Variants in LPIN2 observed in about 807,000 individuals in gnomAD.
LPIN2 encodes lipin 2, also known as phosphatidate phosphatase LPIN2.
LPIN2 carries 55 observed loss-of-function variants against 111.4 expected under a neutral mutation model. The ratio of observed to expected loss-of-function variants is 0.49; its 90% CI spans 0.40 to 0.62. The LOEUF (loss-of-function observed/expected upper bound fraction) is 0.62. Ranked by LOEUF, LPIN2 falls within the 20% of genes least tolerant of loss-of-function variation. The pLI is 0.00. For missense variants in LPIN2, 992 were observed against 1,112.1 expected (o/e 0.89, Z 1.54); for synonymous variants, 425 against 414.0 (o/e 1.03, Z -0.32).
rs905955934 is a variant in LPIN2 at position 2,917,115 on chromosome 18, GA to G, written c.*3177del. 5.3e-5 allele frequency: 8 copies of G among 152,298 alleles called. No individual in the cohort carries two copies. Among genetic ancestry groups the G allele is most frequent in the African/African-American group, 1.7e-4 (7 of 41,558 alleles). 9.4% of individuals were successfully genotyped at this position (152,298 alleles called of 1,614,324 possible). A position where few individuals can be genotyped will look rare whatever the true frequency, so the allele number is the denominator to read the frequency against. On this transcript the variant is annotated 3_prime_UTR_variant, in exon 20 of 20. Transcript: ENST00000677752. ...TTACTGTAACTAAGAGTACTGTACT[GA>G]TGATGTTTACAATTAACTTTGGACA...
chr18:2,991,862 T>C (rs2078270230), intron 1 of LPIN2, among the ~76,000 whole-genome samples: 1 of 151,862 alleles, frequency 6.6e-6, no homozygotes, highest in African/African-American at 2.4e-5. Flanking sequence ...ATACAAAAAT[T>C]AGCTGGGCGT....
intron 1 of LPIN2, among the ~76,000 whole-genome samples, chr18:2,964,790 A>C (rs1207590231): frequency 6.6e-6 from 1 of 152,186 alleles, no homozygotes; most frequent in Non-Finnish European, 1.5e-5. Context: ...ATGTCAGAGA[A>C]CTATTATGTC....
intron 1 of LPIN2, among the ~76,000 whole-genome samples, chr18:3,003,716 G>T (rs1439698385): frequency 6.6e-6 from 1 of 152,140 alleles, no homozygotes; most frequent in African/African-American, 2.4e-5. Flanking sequence ...GACCACTACT[G>T]TACAAACTGA....
chr18:2,922,718 C>T (rs16944051), intron 16 of LPIN2, among the ~76,000 whole-genome samples: 24,510 of 152,152 alleles, frequency 0.16, 2,664 homozygotes, highest in East Asian at 0.57. Context: ...GAGGTACAGG[C>T]AACTAAGGAT....
At chr18:3,012,270 T>C (rs1460192386) in intron 1 of LPIN2, among the ~76,000 whole-genome samples, 1 of 152,210 alleles carries the variant, frequency 6.6e-6, no homozygotes, top group Non-Finnish European at 1.5e-5. Flanking sequence ...TTTCCAAGTA[T>C]TCAGAGTTCC....
chr18:2,937,389 C>CA (rs1448440062), intron 7 of LPIN2, among the ~76,000 whole-genome samples: 3 of 151,634 alleles, frequency 2.0e-5, no homozygotes, highest in African/African-American at 4.8e-5. Flanking sequence ...ATTAAAAATA[C>CA]AAAAAATCAG....
At chr18:2,990,227 A>G (rs1244992427) in intron 1 of LPIN2, among the ~76,000 whole-genome samples, 2 of 152,242 alleles carry the variant, frequency 1.3e-5, no homozygotes, top group Non-Finnish European at 2.9e-5. Context: ...AACATAGGGT[A>G]AATCTTCATG....
At chr18:3,000,925 C>T (rs1448816130) in intron 1 of LPIN2, among the ~76,000 whole-genome samples, 6 of 32,740 alleles carry the variant, frequency 1.8e-4, no homozygotes, top group Admixed American at 1.6e-3. Flanking sequence ...AAGAAAGGTG[C>T]TAAAAAAAAT....
chr18:2,988,849 G>C (rs1467575666), intron 1 of LPIN2, among the ~76,000 whole-genome samples: 1 of 152,136 alleles, frequency 6.6e-6, no homozygotes, highest in Non-Finnish European at 1.5e-5. Context: ...TTTTCTTCCA[G>C]ACTCAACATA....
chr18:2,954,444 G>T, intron 3 of LPIN2, 60 bp downstream of exon 3: 1 of 1,201,912 alleles, frequency 8.3e-7, no homozygotes, highest in African/African-American at 1.5e-5. Context: ...GGTCCGTCTG[G>T]GCCACGTACC....
At chr18:2,951,960 T>C (rs1159803907) in intron 3 of LPIN2, among the ~76,000 whole-genome samples, 1 of 152,204 alleles carries the variant, frequency 6.6e-6, no homozygotes, top group Non-Finnish European at 1.5e-5. Flanking sequence ...ATAAGAAATA[T>C]TCCTTCCTGT....
At chr18:2,983,044 T>C (rs538193611) in intron 1 of LPIN2, among the ~76,000 whole-genome samples, 3 of 152,326 alleles carry the variant, frequency 2.0e-5, no homozygotes, top group Admixed American at 2.0e-4. Flanking sequence ...CACCAAGACC[T>C]GCCCAATCAC....
At position 2,920,895 on chromosome 18, in the gene LPIN2, T is replaced by G; in HGVS notation, c.2443-14A>C. The G allele has an allele frequency of 6.4e-7, 1 of 1,570,476 alleles. No homozygotes were observed. The highest frequency in any genetic ancestry group is 8.8e-7 in the Non-Finnish European group (1 of 1,140,300). Reference sequence around the variant, plus strand: ...GGCATAGACATCCTGCAGAAGAAAATAGCAAGCGGGTGATTCCAGGGAGGA... The same window carrying G: ...GGCATAGACATCCTGCAGAAGAAAAGAGCAAGCGGGTGATTCCAGGGAGGA... On this transcript the variant is annotated splice_polypyrimidine_tract_variant and intron_variant, in intron 18 of 19. Transcript: ENST00000677752.
chr18:2,930,954 A>G (rs2077203853), intron 9 of LPIN2, among the ~76,000 whole-genome samples: 1 of 152,114 alleles, frequency 6.6e-6, no homozygotes, highest in Non-Finnish European at 1.5e-5. Flanking sequence ...AGATGAGAAA[A>G]CTGGTGCAGT....
chr18:2,933,389 A>G (rs2144172772), intron 8 of LPIN2, among the ~76,000 whole-genome samples: 1 of 152,316 alleles, frequency 6.6e-6, no homozygotes, highest in East Asian at 1.9e-4. Flanking sequence ...AAAAGTGGTA[A>G]TTCTATGACA....
intron 6 of LPIN2, 146 bp downstream of exon 6, chr18:2,939,334 T>G (rs1453447158): frequency 1.1e-6 from 1 of 950,832 alleles, no homozygotes; most frequent in Non-Finnish European, 1.6e-6. Flanking sequence ...AAATGTTAAC[T>G]TTGAATTTAC....
At chr18:2,957,341 A>G (rs779966119) in intron 2 of LPIN2, among the ~76,000 whole-genome samples, 10 of 152,212 alleles carry the variant, frequency 6.6e-5, no homozygotes, top group Admixed American at 2.6e-4. Context: ...TTTACATGAC[A>G]CTCAAAGATA....
intron 1 of LPIN2, among the ~76,000 whole-genome samples, chr18:3,007,989 T>C (rs2078542181): frequency 6.6e-6 from 1 of 152,222 alleles, no homozygotes; most frequent in Non-Finnish European, 1.5e-5. Context: ...ATGCACTGAA[T>C]AGATGAGGAC....
chr18:2,920,645 C>G, intron 19 of LPIN2, 133 bp downstream of exon 19: 1 of 804,740 alleles, frequency 1.2e-6, no homozygotes, highest in Non-Finnish European at 2.1e-6. Flanking sequence ...GAGAGATACC[C>G]ACAGAGGAGA....
Sources: gnomAD v4.1 joint callset for allele counts (sites outside exome capture counted in the v4.1 genomes callset) on GRCh38, gnomAD v4.1.1 for gene constraint, MANE v1.5 for transcripts, NCBI Gene and HGNC (gene_info 2026-07-23, HGNC 2026-07-21) for gene names.